The following PCDHGB4 variants were observed in gnomAD, a reference collection of about 807,000 sequenced individuals.
PCDHGB4 encodes the protein protocadherin gamma-B4.
Under a neutral mutation model 60.5 loss-of-function variants are expected in PCDHGB4, and 38 were observed. The observed-to-expected ratio is 0.63, with a 90% confidence interval of 0.48 to 0.82. The LOEUF (loss-of-function observed/expected upper bound fraction) is 0.82. PCDHGB4 is among the 40% of genes least tolerant of loss of function. The pLI, the probability that PCDHGB4 is intolerant of heterozygous loss-of-function variation, is 0.00. For synonymous variants in PCDHGB4, 456 were observed against 509.7 expected, an observed-to-expected ratio of 0.89 and a Z score of 1.42; for missense variants, 1,109 against 1,209.6, an observed-to-expected ratio of 0.92 and a Z score of 1.23.
Position 141,389,866 on chromosome 5 carries a change from T to C in PCDHGB4, c.1982T>C (p.Val661Ala). The change falls in exon 1 of 4, where the codon GTC becomes GCC. Residue 661 changes from valine to alanine, a missense_variant. By Grantham distance (64) the Val-to-Ala change is moderately conservative (BLOSUM62 0). Around this residue, in one of 2 missense-constraint regions of PCDHGB4, gnomAD observed 1,068 missense variants for 1,089.9 expected, o/e 0.98. Coordinates refer to ENST00000519479, the MANE Select transcript of PCDHGB4 (RefSeq NM_003736.4). ...TCGGCCACTGCCACGTTGCACCTGG[T>C]CTTCGCCGACAGCTTGCAGGAGGTG... ...PLSATATLHL[V>A]FADSLQEVLP... 1 of 1,614,082 alleles carries C rather than the reference T, an allele frequency of 6.2e-7. No individual in the cohort carries two copies. The highest frequency in any genetic ancestry group is 1.1e-5 in the South Asian group (1 of 91,084).
chr5:141,390,408 T>C, intron 1 of PCDHGB4, 127 bp downstream of exon 1: 1 of 1,254,846 alleles, frequency 8.0e-7, no homozygotes, highest in Non-Finnish European at 1.1e-6. Context: ...AGGAAAGTTG[T>C]AGTCAGTTAA....
intron 1 of PCDHGB4, among the ~76,000 whole-genome samples, chr5:141,439,132 G>C (rs1180893484): frequency 6.6e-6 from 1 of 151,054 alleles, no homozygotes; most frequent in African/African-American, 2.4e-5. Context: ...GACAGAGGTT[G>C]CAGTGAGCTG....
rs375080564 is a variant in PCDHGB4 at position 141,486,676 on chromosome 5, T to C, written c.2398-8131T>C. On this transcript the variant is annotated intron_variant, in intron 1 of 3. Transcript: ENST00000519479. The surrounding 1 kb of genome is among the most constrained non-coding windows in gnomAD (Gnocchi z 5.0). ...CACTCCTGGAGCCCAGGAATCGAGA[T>C]GTATCAGCTTCCTCTTTCATCTCTC... The C allele has an allele frequency of 6.2e-7, 1 of 1,614,120 alleles. No homozygotes were observed. The highest frequency in any genetic ancestry group is 1.7e-5 in the Admixed American group (1 of 60,032).
At chr5:141,484,425 A>G (rs2099596309) in intron 1 of PCDHGB4, among the ~76,000 whole-genome samples, 3 of 152,192 alleles carry the variant, frequency 2.0e-5, no homozygotes, top group African/African-American at 7.2e-5. Flanking sequence ...TACAATGAGA[A>G]CATGTACTGC....
chr5:141,495,973 A>T, intron 2 of PCDHGB4, among the ~76,000 whole-genome samples: 1 of 146,986 alleles, frequency 6.8e-6, no homozygotes, highest in Admixed American at 6.8e-5. Flanking sequence ...TTTCTCTGTT[A>T]CTCTTTCTTT....
Position 141,489,179 on chromosome 5 carries a change from C to T in PCDHGB4, c.2398-5628C>T. ...AGACTTCAGCTGCTGCATTCCAAGC[C>T]CTGGGTCTACCTTGGAGACAGGACA... On this transcript the variant is annotated intron_variant, in intron 1 of 3. Coordinates refer to ENST00000519479, the MANE Select transcript of PCDHGB4 (RefSeq NM_003736.4). The surrounding 1 kb of genome is among the most constrained non-coding windows in gnomAD (Gnocchi z 4.5). The T allele has an allele frequency of 8.0e-7, 1 of 1,243,186 alleles. No individual in the cohort carries two copies. The highest frequency in any genetic ancestry group is 1.1e-6 in the Non-Finnish European group (1 of 890,032). The allele number at this position is 1,243,186 out of a possible 1,614,324, so 77.0% of individuals were successfully genotyped here. A position where few individuals can be genotyped will look rare whatever the true frequency, so the allele number is the denominator to read the frequency against.
chr5:141,481,729 G>A (rs757464454), intron 1 of PCDHGB4, among the ~76,000 whole-genome samples: 6 of 151,966 alleles, frequency 3.9e-5, no homozygotes, highest in Admixed American at 1.3e-4. Flanking sequence ...GGAGGCGGGC[G>A]GATCACGAGG....
chr5:141,458,694 C>T (rs905547768), intron 1 of PCDHGB4, among the ~76,000 whole-genome samples: 3 of 152,018 alleles, frequency 2.0e-5, no homozygotes, highest in Non-Finnish European at 2.9e-5. Flanking sequence ...CTCAGCCTCC[C>T]GAGTAGCTGG....
In PCDHGB4 at chr5:141,400,602, A is replaced by C; in HGVS notation, c.2397+10321A>C. 3.1e-6 allele frequency: 5 copies of C among 1,590,234 alleles called. No homozygotes were observed. In the South Asian group the frequency reaches 5.6e-5, roughly 18 times the overall value. ...TTACATGAAACTATCGTACATTTTCAAGTCCAATGAGTTGTCTTAGGGAAG... is the reference window on the plus strand; with the variant it reads ...TTACATGAAACTATCGTACATTTTCCAGTCCAATGAGTTGTCTTAGGGAAG... On this transcript the variant is annotated intron_variant, in intron 1 of 3. Transcript: ENST00000519479.
At chr5:141,481,718 C>T (rs942120251) in intron 1 of PCDHGB4, among the ~76,000 whole-genome samples, 6 of 152,082 alleles carry the variant, frequency 3.9e-5, no homozygotes, top group East Asian at 1.9e-4. Context: ...CTTTGGGAGG[C>T]GGAGGCGGGC....
Position 141,490,310 on chromosome 5 carries a change from A to G in PCDHGB4, c.2398-4497A>G. 2 of 1,614,082 alleles carry G rather than the reference A, an allele frequency of 1.2e-6. No homozygotes were observed. Among genetic ancestry groups the G allele is most frequent in the South Asian group, 2.2e-5 (2 of 91,078 alleles). ...GAGGTGCTATTGGCCTCTTTGGCCA[A>G]CCCTGTCCTAGAGAGCACACCAGTG... On this transcript the variant is annotated intron_variant, in intron 1 of 3. Transcript: ENST00000519479. The surrounding 1 kb of genome is among the most constrained non-coding windows in gnomAD (Gnocchi z 5.4).
At position 141,493,356 on chromosome 5, in the gene PCDHGB4, C is replaced by A. The variant is rs1303319550; in HGVS notation, c.2398-1451C>A. Among the ~76,000 whole-genome samples, 1 of 152,182 alleles carries A rather than the reference C, an allele frequency of 6.6e-6. No individual in the cohort carries two copies. The highest frequency in any genetic ancestry group is 2.4e-5 in the African/African-American group (1 of 41,438). On this transcript the variant is annotated intron_variant, in intron 1 of 3. Transcript: ENST00000519479. This position sits in a 1 kb window ranked among gnomAD's most constrained non-coding sequence, Gnocchi z 4.3. ...ACTCCAGAATGTGTGCTTTTAATTT[C>A]TTGGCACTTGGAACTTTAAAAGCTT...
At chr5:141,423,772 A>G (rs767998260) in intron 1 of PCDHGB4, 39 of 1,219,850 alleles carry the variant, frequency 3.2e-5, no homozygotes, top group East Asian at 1.6e-4. Context: ...GGGGCGGCAT[A>G]TATTTAGTTC....
intron 1 of PCDHGB4, chr5:141,417,931 G>T (rs551432799): frequency 6.8e-6 from 11 of 1,611,382 alleles, no homozygotes; most frequent in Middle Eastern, 1.6e-4. Flanking sequence ...TGCTGCCTTT[G>T]TTCTACCCCA....
In PCDHGB4 at chr5:141,486,269, G is replaced by T; in HGVS notation, c.2398-8538G>T. 6.2e-7 allele frequency: 1 copy of T among 1,613,996 alleles called. No homozygotes were observed. The highest frequency in any genetic ancestry group is 8.5e-7 in the Non-Finnish European group (1 of 1,179,956). On this transcript the variant is annotated intron_variant, in intron 1 of 3. Transcript: ENST00000519479. The surrounding 1 kb of genome is among the most constrained non-coding windows in gnomAD (Gnocchi z 5.0). ...AACCCTCCCCGAGAGTGCAGAACCT[G>T]GCACTGTGGTGGCACTTATCAGTGT...
chr5:141,404,497 T>C, intron 1 of PCDHGB4: 1 of 1,613,930 alleles, frequency 6.2e-7, no homozygotes, highest in Non-Finnish European at 8.5e-7. Context: ...GTGTGCTGTA[T>C]GCTCTGTGCT....
chr5:141,414,868 G>A (rs1346192710), intron 1 of PCDHGB4: 1 of 1,614,098 alleles, frequency 6.2e-7, no homozygotes, highest in African/African-American at 1.3e-5. Flanking sequence ...CAATGCGCCC[G>A]AGATCCTGTA....
rs768206517 is a variant in PCDHGB4 at position 141,432,482 on chromosome 5, G to C, written c.2397+42201G>C. 6.2e-7 allele frequency: 1 copy of C among 1,614,178 alleles called. No individual in the cohort carries two copies. Among genetic ancestry groups the C allele is most frequent in the South Asian group, 1.1e-5 (1 of 91,074 alleles). ...CCTCCCCACGGACGGTTCCACTGGC[G>C]TGGAGCTGGCTCCCCGCTCCGCAGA... On this transcript the variant is annotated intron_variant, in intron 1 of 3. Coordinates refer to ENST00000519479, the MANE Select transcript of PCDHGB4 (RefSeq NM_003736.4). The surrounding 1 kb of genome is among the most constrained non-coding windows in gnomAD (Gnocchi z 6.0).
rs754299511 is a variant in PCDHGB4 at position 141,476,353 on chromosome 5, G to A, written c.2398-18454G>A. 4 of 1,614,202 alleles carry A rather than the reference G, an allele frequency of 2.5e-6. No individual in the cohort carries two copies. Among genetic ancestry groups the A allele is most frequent in the South Asian group, 1.1e-5 (1 of 91,082 alleles). On this transcript the variant is annotated intron_variant, in intron 1 of 3. Coordinates refer to ENST00000519479, the MANE Select transcript of PCDHGB4 (RefSeq NM_003736.4). The surrounding 1 kb of genome is among the most constrained non-coding windows in gnomAD (Gnocchi z 7.6). The stretch of plus-strand genomic sequence containing the variant: ...GAGCTAGCCGAAGATTCTTTGAGGT[G>A]AACCGGGAGACCGGAGAGATGTTTG...
Sources: allele counts gnomAD v4.1 joint callset (sites outside exome capture counted in the v4.1 genomes callset), GRCh38; gene constraint gnomAD v4.1.1; regional missense constraint gnomAD v4.1.1; non-coding constraint Gnocchi (gnomAD v3.1); transcripts MANE v1.5; gene names NCBI Gene and HGNC (gene_info 2026-07-23, HGNC 2026-07-21).